The following SLC25A28 variants were observed in gnomAD, a reference collection of about 807,000 sequenced individuals.
SLC25A28 encodes solute carrier family 25 member 28, also known as mitoferrin-2.
Under a neutral mutation model 31.9 loss-of-function variants are expected in SLC25A28, and 10 were observed. The ratio of observed to expected loss-of-function variants is 0.31; its 90% CI spans 0.19 to 0.53. The LOEUF is 0.53. Among genes scored for constraint, SLC25A28 ranks in the 20% least tolerant of loss-of-function variants. SLC25A28 has a pLI of 0.95. For synonymous variants in SLC25A28, 208 were observed against 203.6 expected (o/e 1.02, Z -0.19); for missense variants, 256 against 490.3 (o/e 0.52, Z 4.51).
upstream of SLC25A28, chr10:99,620,862 TG>T: frequency 1.0e-6 from 1 of 985,480 alleles, no homozygotes; most frequent in Non-Finnish European, 1.2e-6. Context: ...CCTGCAGAGC[TG>T]CGGTCCCTGT....
At chr10:99,615,847 T>C in intron 1 of SLC25A28, 1 of 985,448 alleles carries the variant, frequency 1.0e-6, no homozygotes, top group Non-Finnish European at 1.2e-6. Context: ...GCAATTGCAT[T>C]GCTCTGCTGC....
chr10:99,626,295 T>C, the SLC25A28 span, among the ~76,000 whole-genome samples: 1 of 152,134 alleles, frequency 6.6e-6, no homozygotes, highest in African/African-American at 2.4e-5. Flanking sequence ...AATTCAGAGA[T>C]GGGGTAAGCA....
intron 1 of SLC25A28, among the ~76,000 whole-genome samples, chr10:99,615,038 C>T (rs2034614259): frequency 6.6e-6 from 1 of 152,140 alleles, no homozygotes; most frequent in African/African-American, 2.4e-5. Flanking sequence ...AATCTAATCA[C>T]TAGATTCTAT....
the SLC25A28 span, among the ~76,000 whole-genome samples, chr10:99,630,252 C>A: frequency 6.6e-6 from 1 of 152,086 alleles, no homozygotes; most frequent in Non-Finnish European, 1.5e-5. Context: ...CCTCTGCCTC[C>A]TGAGTAGCTG....
At chr10:99,656,474 G>A in the SLC25A28 span, among the ~76,000 whole-genome samples, 1 of 152,170 alleles carries the variant, frequency 6.6e-6, no homozygotes, top group African/African-American at 2.4e-5. Flanking sequence ...TGGATATGAT[G>A]AGAGTGGAGA....
the SLC25A28 span, among the ~76,000 whole-genome samples, chr10:99,656,128 A>G: frequency 1.1e-3 from 167 of 152,280 alleles, 1 homozygote; most frequent in African/African-American, 3.9e-3. Flanking sequence ...AGAAACTACT[A>G]TGGGACCACA....
the SLC25A28 span, among the ~76,000 whole-genome samples, chr10:99,634,301 C>T: frequency 6.6e-6 from 1 of 152,124 alleles, no homozygotes. Flanking sequence ...AGAAGAAATC[C>T]CTGATTTACC....
chr10:99,612,412 T>C, intron 3 of SLC25A28, 131 bp downstream of exon 3: 1 of 1,001,600 alleles, frequency 1.0e-6, no homozygotes. Flanking sequence ...ACCAAAAACA[T>C]GGAGGGAGCA....
chr10:99,646,874 T>C, the SLC25A28 span, among the ~76,000 whole-genome samples: 8 of 152,306 alleles, frequency 5.3e-5, no homozygotes, highest in African/African-American at 1.9e-4. Flanking sequence ...ACACTGTATA[T>C]CCATAGGTAC....
chr10:99,618,127 T>C (rs2034700615), intron 1 of SLC25A28: 1 of 359,406 alleles, frequency 2.8e-6, no homozygotes, highest in Non-Finnish European at 3.9e-6. Context: ...AATTCCATCT[T>C]GTCACAGGGC....
chr10:99,612,589 C>A lies in SLC25A28; in HGVS notation c.531G>T (p.Gly177=), dbSNP rs370011291. 1.2e-6 allele frequency: 2 copies of A among 1,614,034 alleles called. No homozygotes were observed. The highest frequency in any genetic ancestry group is 2.7e-5 in the African/African-American group (2 of 74,916). The change falls in exon 3 of 4, where the codon GGG becomes GGT. Residue 177 remains glycine (G), a synonymous_variant. Coordinates refer to ENST00000370495, the MANE Select transcript of SLC25A28 (RefSeq NM_031212.4). ...CATCATGAAGTAATGTTGCCACACA[C>A]CCGGCCGCACCTGCAAACAAGAAAA... The part of the protein sequence containing the change: ...GNSHIANGAA[G]CVATLLHDAA...
chr10:99,616,314 AAATT>A lies in SLC25A28; in HGVS notation c.292-2394_292-2391del. ...TGTCACTTAACCTCTTTAAGCTTCA[AAATT>A]GTCATCTATAACATGAGGCCAAGAA... On this transcript the variant is annotated intron_variant, in intron 1 of 3. Coordinates refer to ENST00000370495, the MANE Select transcript of SLC25A28 (RefSeq NM_031212.4). 3 of 798,198 alleles carry A rather than the reference AAATT, an allele frequency of 3.8e-6. No homozygotes were observed. The African/African-American group carries it at 5.6e-5, about 15-fold the overall frequency. 49.4% of individuals were successfully genotyped at this position (798,198 alleles called of 1,614,324 possible). A position where few individuals can be genotyped will look rare whatever the true frequency, so the allele number is the denominator to read the frequency against.
chr10:99,620,266 C>G lies in SLC25A28; in HGVS notation c.70G>C (p.Gly24Arg). 2 of 1,240,974 alleles carry G rather than the reference C, an allele frequency of 1.6e-6. No homozygotes were observed. The highest frequency in any genetic ancestry group is 3.3e-5 in the East Asian group (1 of 30,426). The allele number at this position is 1,240,974 out of a possible 1,614,324, so 76.9% of individuals were successfully genotyped here. A position where few individuals can be genotyped will look rare whatever the true frequency, so the allele number is the denominator to read the frequency against. ...CACCCGTCCAGCAGCGCCGACTCCC[C>G]GGGGCTCCGCCCGGGCCCTGCCGCC... ...GPAAGPGRSP[G>R]ESALLDGWLQ... Residue 24 changes from glycine to arginine, a missense_variant, in exon 1 of 4, where the codon GGG becomes CGG. Transcript: ENST00000370495.
upstream of SLC25A28, chr10:99,620,491 T>G: frequency 9.6e-7 from 1 of 1,043,882 alleles, no homozygotes; most frequent in Non-Finnish European, 1.2e-6. Context: ...AAGCAACCAT[T>G]GGTGGAGACG....
chr10:99,651,986 A>G, the SLC25A28 span: 4 of 152,122 alleles, frequency 2.6e-5, no homozygotes, highest in Non-Finnish European at 1.5e-5. Context: ...AAGGCTACCA[A>G]GATTTTCTTC....
At chr10:99,630,863 T>C in the SLC25A28 span, among the ~76,000 whole-genome samples, 7 of 152,182 alleles carry the variant, frequency 4.6e-5, no homozygotes, top group South Asian at 1.2e-3. Flanking sequence ...TAAAATCATA[T>C]GTTAAGGGGA....
intron 1 of SLC25A28, chr10:99,618,251 G>A: frequency 2.4e-5 from 23 of 976,556 alleles, no homozygotes; most frequent in Non-Finnish European, 2.8e-5. Flanking sequence ...GGAGTAAGGA[G>A]ATAACCTCCC....
intron 3 of SLC25A28, 145 bp downstream of exon 3, chr10:99,612,398 A>C: frequency 7.4e-6 from 6 of 811,388 alleles, no homozygotes; most frequent in Non-Finnish European, 1.2e-5. Flanking sequence ...GTGCCTCGTT[A>C]GGTACCAAAA....
intron 3 of SLC25A28, 49 bp downstream of exon 3, chr10:99,612,494 G>A (rs1029656373): frequency 6.3e-7 from 1 of 1,597,212 alleles, no homozygotes; most frequent in Non-Finnish European, 8.6e-7. Flanking sequence ...AAACTGTAAA[G>A]AAATACAGGT....
Sources: gnomAD v4.1 joint callset for allele counts (sites outside exome capture counted in the v4.1 genomes callset) on GRCh38, gnomAD v4.1.1 for gene constraint, MANE v1.5 for transcripts, NCBI Gene and HGNC (gene_info 2026-07-23, HGNC 2026-07-21) for gene names.